Variants in TSHZ2 observed in about 807,000 individuals in gnomAD.
The protein encoded by TSHZ2 is teashirt homolog 2.
Under a neutral mutation model 74.4 loss-of-function variants are expected in TSHZ2, and 21 were observed. The ratio of observed to expected loss-of-function variants is 0.28; its 90% CI spans 0.20 to 0.41. The LOEUF (loss-of-function observed/expected upper bound fraction) is 0.41, where lower values mean the gene tolerates loss of function less well. Among genes scored for constraint, TSHZ2 ranks in the 10% least tolerant of loss-of-function variants. The pLI is 1.00. For missense variants in TSHZ2, 1,244 were observed against 1,293.5 expected (o/e 0.96, Z 0.59); for synonymous variants, 540 against 515.3 (o/e 1.05, Z -0.65).
At chr20:53,400,217 T>C (rs145540233) in intron 2 of TSHZ2, 288 of 152,384 alleles carry the variant, frequency 1.9e-3, no homozygotes, top group African/African-American at 6.4e-3. Flanking sequence ...AGCCACACGT[T>C]GTAGAGCCCT....
intron 2 of TSHZ2, among the ~76,000 whole-genome samples, chr20:53,392,530 G>C (rs912566569): frequency 2.0e-5 from 3 of 152,204 alleles, no homozygotes; most frequent in African/African-American, 4.8e-5. Flanking sequence ...GGAAAAGTGA[G>C]ATAGAAATTG....
chr20:53,040,167 G>A (rs1983985763), intron 1 of TSHZ2, among the ~76,000 whole-genome samples: 1 of 152,160 alleles, frequency 6.6e-6, no homozygotes, highest in Non-Finnish European at 1.5e-5. Flanking sequence ...TGGTGGTGGG[G>A]TAAAGCAATC....
At chr20:53,391,359 A>G (rs912466904) in intron 2 of TSHZ2, among the ~76,000 whole-genome samples, 1 of 151,960 alleles carries the variant, frequency 6.6e-6, no homozygotes, top group Non-Finnish European at 1.5e-5. Flanking sequence ...GTTAGCCAGG[A>G]TGGTCTTGAT....
intron 1 of TSHZ2, among the ~76,000 whole-genome samples, chr20:53,235,094 T>C (rs1330070660): frequency 1.6e-5 from 2 of 122,622 alleles, no homozygotes; most frequent in African/African-American, 3.2e-5. Flanking sequence ...AGGTGGAAGA[T>C]GCTTGGGTCT....
chr20:53,087,638 A>G (rs1985738048), intron 1 of TSHZ2, among the ~76,000 whole-genome samples: 1 of 152,210 alleles, frequency 6.6e-6, no homozygotes, highest in Non-Finnish European at 1.5e-5. Context: ...AAGGTCTTAC[A>G]GTTCTTGGTA....
At chr20:53,416,094 G>GC (rs1456281794) in intron 2 of TSHZ2, among the ~76,000 whole-genome samples, 1 of 152,174 alleles carries the variant, frequency 6.6e-6, no homozygotes, top group Non-Finnish European at 1.5e-5. Flanking sequence ...CACGTGAAGG[G>GC]CAGGTGGGTG....
chr20:53,038,916 G>A (rs1010295962), intron 1 of TSHZ2, among the ~76,000 whole-genome samples: 22 of 86,504 alleles, frequency 2.5e-4, no homozygotes, highest in Non-Finnish European at 4.4e-4. Context: ...TTGTTTTTGA[G>A]ATGGAGTTTC....
At position 53,049,547 on chromosome 20, in the gene TSHZ2, T is replaced by C. The variant is rs552955891; in HGVS notation, c.40+76214T>C. ...ATTTGATTTTTCAGACATTTTATGT[T>C]TTACTGTCTTCACCATTAGGTAGTG... On this transcript the variant is annotated intron_variant, in intron 1 of 2. Coordinates refer to ENST00000371497, the MANE Select transcript of TSHZ2 (RefSeq NM_173485.6). Among the ~76,000 whole-genome samples the C allele has an allele frequency of 3.9e-5, 6 of 152,328 alleles. No individual in the cohort carries two copies. The South Asian group carries it at 1.2e-3, about 32-fold the overall frequency.
At chr20:53,026,416 G>A (rs1005522832) in intron 1 of TSHZ2, among the ~76,000 whole-genome samples, 3 of 150,758 alleles carry the variant, frequency 2.0e-5, no homozygotes, top group African/African-American at 2.4e-5. Flanking sequence ...GCAGTGGCTC[G>A]ATCTCGGTTC....
At chr20:53,275,281 CA>C (rs1990919535) in intron 2 of TSHZ2, among the ~76,000 whole-genome samples, 1 of 152,006 alleles carries the variant, frequency 6.6e-6, no homozygotes, top group Admixed American at 6.6e-5. Flanking sequence ...GTTCCTAGTT[CA>C]AAAATGCAGA....
chr20:53,155,062 T>A (rs1004829206), intron 1 of TSHZ2, among the ~76,000 whole-genome samples: 4 of 151,154 alleles, frequency 2.6e-5, no homozygotes, highest in Non-Finnish European at 2.9e-5. Flanking sequence ...ATTTTTTTTT[T>A]TTTTTTTTTT....
intron 1 of TSHZ2, among the ~76,000 whole-genome samples, chr20:53,059,745 ATGT>A (rs1477333088): frequency 3.3e-5 from 5 of 151,774 alleles, no homozygotes; most frequent in African/African-American, 7.3e-5. Context: ...TGACTTTGAA[ATGT>A]TGTCCTTTTT....
At chr20:53,174,707 T>C (rs1051527682) in intron 1 of TSHZ2, among the ~76,000 whole-genome samples, 2 of 152,174 alleles carry the variant, frequency 1.3e-5, no homozygotes, top group Non-Finnish European at 2.9e-5. Context: ...TCTGCCTTGG[T>C]CACGTGGGTT....
chr20:53,190,542 C>T (rs919366218), intron 1 of TSHZ2, among the ~76,000 whole-genome samples: 1 of 152,146 alleles, frequency 6.6e-6, no homozygotes, highest in African/African-American at 2.4e-5. Flanking sequence ...CCATTCCAAA[C>T]TGTCGAGACC....
intron 2 of TSHZ2, among the ~76,000 whole-genome samples, chr20:53,278,635 C>T (rs1990991240): frequency 6.6e-6 from 1 of 152,210 alleles, no homozygotes. Flanking sequence ...TATTCTGCCT[C>T]AGGTACTTTA....
chr20:53,391,445 GTTT>G (rs34433732), intron 2 of TSHZ2, among the ~76,000 whole-genome samples: 1 of 150,232 alleles, frequency 6.7e-6, no homozygotes, highest in African/African-American at 2.4e-5. Flanking sequence ...GCACCAGGCC[GTTT>G]TTTTTGTTTG....
At chr20:53,353,931 G>A (rs1021642237) in intron 2 of TSHZ2, among the ~76,000 whole-genome samples, 4 of 152,158 alleles carry the variant, frequency 2.6e-5, no homozygotes, top group Non-Finnish European at 5.9e-5. Context: ...GGGCTTCCTG[G>A]CATGTGGGTC....
intron 2 of TSHZ2, among the ~76,000 whole-genome samples, chr20:53,325,337 A>C (rs1333896354): frequency 6.6e-6 from 1 of 152,204 alleles, no homozygotes; most frequent in African/African-American, 2.4e-5. Flanking sequence ...GAAAATCTAG[A>C]TCTAAAAAGT....
Position 53,476,628 on chromosome 20 carries a change from CTATTCAACA to C in TSHZ2, c.*9-10513_*9-10505del, listed in dbSNP as rs1157532722. Among the ~76,000 whole-genome samples the C allele has an allele frequency of 3.6e-5, 5 of 140,414 alleles. No homozygotes were observed. In the East Asian group the frequency reaches 1.1e-3, roughly 30 times the overall value. 92.1% of individuals were successfully genotyped at this position (140,414 alleles called of 152,430 possible). A position where few individuals can be genotyped will look rare whatever the true frequency, so the allele number is the denominator to read the frequency against. ...ACAGGGATGCCCTCTGTCACCACTC[CTATTCAACA>C]TAGTGTTGGAAGTTCTGGCCAGGGC... On this transcript the variant is annotated intron_variant, in intron 2 of 2. Coordinates refer to ENST00000371497, the MANE Select transcript of TSHZ2 (RefSeq NM_173485.6).
Sources: allele counts gnomAD v4.1 joint callset (sites outside exome capture counted in the v4.1 genomes callset), GRCh38; gene constraint gnomAD v4.1.1; transcripts MANE v1.5; gene names NCBI Gene and HGNC (gene_info 2026-07-23, HGNC 2026-07-21).